The following APOD variants were observed in gnomAD, a reference collection of about 807,000 sequenced individuals.
APOD encodes apolipoprotein D, also known as apo-D.
In APOD, 22 loss-of-function variants were observed where a neutral mutation model predicts 20.4. The observed-to-expected ratio is 1.08, with a 90% confidence interval of 0.77 to 1.54. The LOEUF (loss-of-function observed/expected upper bound fraction) is 1.54. Among genes scored for constraint, APOD ranks in the 40% most tolerant of loss-of-function variants. APOD has a pLI of 0.00. For synonymous variants in APOD, 97 were observed against 92.4 expected (o/e 1.05, Z -0.29); for missense variants, 223 against 229.6 (o/e 0.97, Z 0.19).
chr3:195,571,078 A>G (rs1337755303), intron 4 of APOD, 199 bp downstream of exon 4: 6 of 603,114 alleles, frequency 9.9e-6, no homozygotes, highest in African/African-American at 3.7e-5. Context: ...TGTGAGCTCC[A>G]TAAGTACCAA....
At chr3:195,570,710 A>G (rs1720145233) in intron 4 of APOD, 1 of 156,216 alleles carries the variant, frequency 6.4e-6, no homozygotes, top group African/African-American at 2.4e-5. Context: ...CGGAAATAAA[A>G]CTAATATTTG....
intron 3 of APOD, 140 bp from the exon 4 acceptor site, chr3:195,571,505 A>G (rs1194474598): frequency 1.4e-6 from 1 of 721,908 alleles, no homozygotes; most frequent in African/African-American, 1.8e-5. Flanking sequence ...TTCTGGTAAG[A>G]GAGGCTCTCA....
chr3:195,582,061 C>G (rs993114018), intron 1 of APOD, among the ~76,000 whole-genome samples: 2 of 151,992 alleles, frequency 1.3e-5, no homozygotes, highest in African/African-American at 4.8e-5. Context: ...CCCATGCTGC[C>G]TGTAATTACA....
chr3:195,575,147 C>T (rs1455903024), intron 2 of APOD, among the ~76,000 whole-genome samples: 1 of 152,196 alleles, frequency 6.6e-6, no homozygotes, highest in Admixed American at 6.5e-5. Context: ...CATTCCTTGG[C>T]TTGAGGCTTC....
chr3:195,579,620 A>C (rs1036515050), intron 1 of APOD, 125 bp from the exon 2 acceptor site: 6 of 1,024,212 alleles, frequency 5.9e-6, no homozygotes, highest in Non-Finnish European at 8.4e-6. Flanking sequence ...TCCCCAGCCC[A>C]TGTGAACCCT....
intron 1 of APOD, among the ~76,000 whole-genome samples, chr3:195,579,875 G>A (rs1187497638): frequency 6.6e-6 from 1 of 152,206 alleles, no homozygotes; most frequent in Non-Finnish European, 1.5e-5. Context: ...CGTGGAGAGG[G>A]CTATGTAAAG....
chr3:195,573,826 C>T (rs1209028303), intron 3 of APOD, 24 bp downstream of exon 3: 7 of 1,611,240 alleles, frequency 4.3e-6, no homozygotes, highest in Non-Finnish European at 5.9e-6. Flanking sequence ...GCAGGCCTGG[C>T]CCCGGACGCC....
At chr3:195,571,107 C>T in intron 4 of APOD, 170 bp downstream of exon 4, 1 of 671,650 alleles carries the variant, frequency 1.5e-6, no homozygotes, top group East Asian at 2.7e-5. Flanking sequence ...CTGTCCGGCT[C>T]ATCATGGCAA....
Position 195,571,364 on chromosome 3 carries a change from C to T in APOD, c.247G>A (p.Ala83Thr). 6.2e-7 allele frequency: 1 copy of T among 1,608,670 alleles called. No homozygotes were observed. Among genetic ancestry groups the T allele is most frequent in the Non-Finnish European group, 8.5e-7 (1 of 1,178,248 alleles). The change falls in exon 4 of 5, where the codon GCT (alanine) becomes ACT (threonine). Residue 83 changes from alanine to threonine, a missense_variant and splice_region_variant. Transcript: ENST00000343267. Reference sequence around the variant, plus strand: ...TCGATTTGATTCACAGTTCCATCAGCTCTGCAGTGAGTTAAAAAAAGAAAA... The same window carrying T: ...TCGATTTGATTCACAGTTCCATCAGTTCTGCAGTGAGTTAAAAAAAGAAAA... Reference protein sequence around the residue: ...KIKVLNQELRADGTVNQIEGE... With the variant: ...KIKVLNQELRTDGTVNQIEGE...
chr3:195,572,415 CA>C (rs1359389217), intron 3 of APOD, among the ~76,000 whole-genome samples: 2 of 152,226 alleles, frequency 1.3e-5, no homozygotes, highest in Admixed American at 6.5e-5. Context: ...TGTCACCTGA[CA>C]ATTAGCAGTG....
In APOD at chr3:195,568,837, G is replaced by GT. The variant is rs1553889309; in HGVS notation, c.*62_*63insA. On this transcript the variant is annotated 3_prime_UTR_variant, in exon 5 of 5. Coordinates refer to ENST00000343267, the MANE Select transcript of APOD (RefSeq NM_001647.4). ...GTTGATTGGTTTGTCTTTATGGGGG[G>GT]GGGGTAGGGGAAAGCGAAGCAGAAG... 15 of 983,022 alleles carry GT rather than the reference G, an allele frequency of 1.5e-5. No homozygotes were observed. Among genetic ancestry groups the GT allele is most frequent in the East Asian group, 7.8e-5 (3 of 38,550 alleles). The allele number at this position is 983,022 out of a possible 1,614,324, so 60.9% of individuals were successfully genotyped here. A position where few individuals can be genotyped will look rare whatever the true frequency, so the allele number is the denominator to read the frequency against.
chr3:195,569,026 G>A lies in APOD; in HGVS notation c.444C>T (p.Ile148=). The A allele has an allele frequency of 8.1e-6, 13 of 1,614,154 alleles. No homozygotes were observed. Among genetic ancestry groups the A allele is most frequent in the Non-Finnish European group, 1.1e-5 (13 of 1,180,012 alleles). ...GAGGGAGATTAGGGTTTCTTGCCAAGATCCAAGCAAAATCCACGTGAAAAA... is the reference window on the plus strand; with the variant it reads ...GAGGGAGATTAGGGTTTCTTGCCAAAATCCAAGCAAAATCCACGTGAAAAA... ...IQLFHVDFAW[I]LARNPNLPPE... Residue 148 remains isoleucine, a synonymous_variant, in exon 5 of 5, where the codon ATC becomes ATT. Coordinates refer to ENST00000343267, the MANE Select transcript of APOD (RefSeq NM_001647.4).
At chr3:195,583,625 C>T (rs1400087708) in intron 1 of APOD, among the ~76,000 whole-genome samples, 1 of 152,192 alleles carries the variant, frequency 6.6e-6, no homozygotes, top group East Asian at 1.9e-4. Flanking sequence ...GATGAGTTCA[C>T]ACTGGGTTTG....
chr3:195,579,416 C>G lies in APOD; in HGVS notation c.46G>C (p.Gly16Arg). 1 of 1,614,060 alleles carries G rather than the reference C, an allele frequency of 6.2e-7. No homozygotes were observed. Among genetic ancestry groups the G allele is most frequent in the East Asian group, 2.2e-5 (1 of 44,878 alleles). The part of the protein sequence containing the change: ...LLLSALAGLF[G>R]AAEGQAFHLG... ...TGAAATGCTTGTCCCTCTGCCGCAC[C>G]GAAGAGGCCAGCCAGTGCGGAAAGC... Residue 16 changes from glycine to arginine, a missense_variant, in exon 2 of 5, where the codon GGT (glycine) becomes CGT (arginine). Gly to Arg is a moderately radical substitution (Grantham distance 125, BLOSUM62 -2). Coordinates refer to ENST00000343267, the MANE Select transcript of APOD (RefSeq NM_001647.4).
intron 2 of APOD, among the ~76,000 whole-genome samples, chr3:195,574,559 C>T (rs1375086459): frequency 2.0e-5 from 3 of 152,152 alleles, no homozygotes; most frequent in East Asian, 1.9e-4. Context: ...CTGCCTGGCA[C>T]GCGTTGCAGG....
chr3:195,576,360 G>GA (rs1720247411), intron 2 of APOD, among the ~76,000 whole-genome samples: 1 of 152,080 alleles, frequency 6.6e-6, no homozygotes, highest in East Asian at 1.9e-4. Context: ...GGTCAGTATT[G>GA]AAAAATAATC....
At chr3:195,571,968 AC>A (rs1375975354) in intron 3 of APOD, among the ~76,000 whole-genome samples, 1 of 152,082 alleles carries the variant, frequency 6.6e-6, no homozygotes, top group African/African-American at 2.4e-5. Context: ...TTTAGTAGAG[AC>A]GGGGTTTCAC....
At chr3:195,580,135 T>C (rs1720310862) in intron 1 of APOD, among the ~76,000 whole-genome samples, 1 of 152,192 alleles carries the variant, frequency 6.6e-6, no homozygotes, top group Non-Finnish European at 1.5e-5. Context: ...ATACTAAGTA[T>C]AACTGTGTCC....
At chr3:195,581,955 G>C (rs1334642243) in intron 1 of APOD, among the ~76,000 whole-genome samples, 3 of 152,198 alleles carry the variant, frequency 2.0e-5, no homozygotes, top group African/African-American at 7.2e-5. Context: ...GAGCACCTGA[G>C]GTTGGGAGTT....
Sources: allele counts gnomAD v4.1 joint callset (sites outside exome capture counted in the v4.1 genomes callset), GRCh38; gene constraint gnomAD v4.1.1; transcripts MANE v1.5; gene names NCBI Gene and HGNC (gene_info 2026-07-23, HGNC 2026-07-21).